The following SLC35F3 variants were observed in gnomAD, a reference collection of about 807,000 sequenced individuals.
SLC35F3 encodes the protein putative thiamine transporter SLC35F3.
Under a neutral mutation model 49.9 loss-of-function variants are expected in SLC35F3, and 25 were observed. That is an observed-to-expected ratio of 0.50 (90% confidence interval 0.37 to 0.70). SLC35F3 has a LOEUF of 0.70. Among genes scored for constraint, SLC35F3 ranks in the 30% least tolerant of loss-of-function variants. The pLI, the probability that SLC35F3 is intolerant of heterozygous loss-of-function variation, is 0.00. For missense variants in SLC35F3, 525 were observed against 639.8 expected (o/e 0.82, Z 1.94); for synonymous variants, 275 against 265.4 (o/e 1.04, Z -0.35).
chr1:234,150,491 A>T (rs1294623157), intron 2 of SLC35F3, among the ~76,000 whole-genome samples: 1 of 152,134 alleles, frequency 6.6e-6, no homozygotes, highest in Non-Finnish European at 1.5e-5. Flanking sequence ...AGTAATCTCC[A>T]TGTAATGCTA....
At chr1:234,306,875 G>T (rs1033492211) in intron 3 of SLC35F3, among the ~76,000 whole-genome samples, 2 of 152,174 alleles carry the variant, frequency 1.3e-5, no homozygotes, top group African/African-American at 4.8e-5. Context: ...AAGATGAATT[G>T]TTTTTCATGA....
rs984357787 is a variant in SLC35F3, at chr1:234,048,611, C to T, written c.283+142853C>T. On this transcript the variant is annotated intron_variant, in intron 2 of 7. Coordinates refer to ENST00000366618, the MANE Select transcript of SLC35F3 (RefSeq NM_173508.4). The stretch of plus-strand genomic sequence containing the variant: ...TTTTCAAAGGCTAGGGCCACTACCA[C>T]AGTTTCACTGGCCAGGCCGCATCAC... Among the ~76,000 whole-genome samples the T allele has an allele frequency of 6.1e-5, 4 of 65,158 alleles. No homozygotes were observed. The East Asian group carries it at 1.4e-3, about 22-fold the overall frequency. The allele number at this position is 65,158 out of a possible 152,430, so 42.7% of individuals were successfully genotyped here.
chr1:234,077,171 AT>A (rs1198885278), intron 2 of SLC35F3, among the ~76,000 whole-genome samples: 10 of 151,028 alleles, frequency 6.6e-5, no homozygotes, highest in Non-Finnish European at 1.5e-4. Context: ...CGCCCGGCTA[AT>A]TTTTTGTATT....
At chr1:234,160,619 G>A (rs1254364654) in intron 2 of SLC35F3, among the ~76,000 whole-genome samples, 1 of 152,160 alleles carries the variant, frequency 6.6e-6, no homozygotes, top group East Asian at 1.9e-4. Flanking sequence ...GGCAACCCAG[G>A]ACATATGGTC....
intron 3 of SLC35F3, among the ~76,000 whole-genome samples, chr1:234,254,973 T>C (rs1453103747): frequency 6.6e-6 from 1 of 152,240 alleles, no homozygotes; most frequent in Non-Finnish European, 1.5e-5. Context: ...ATGACCAAGG[T>C]CTTTGTTATT....
At chr1:234,217,411 A>G (rs1384848323) in intron 2 of SLC35F3, among the ~76,000 whole-genome samples, 1 of 152,252 alleles carries the variant, frequency 6.6e-6, no homozygotes. Flanking sequence ...GTTTTAGTCT[A>G]GAGGGGAAGA....
intron 2 of SLC35F3, among the ~76,000 whole-genome samples, chr1:234,175,533 C>T (rs889108045): frequency 2.0e-5 from 3 of 152,074 alleles, no homozygotes; most frequent in South Asian, 2.1e-4. Flanking sequence ...TGCCACGGCT[C>T]ATGCCTTTAG....
At chr1:234,213,401 A>C (rs1393350403) in intron 2 of SLC35F3, 1 of 152,316 alleles carries the variant, frequency 6.6e-6, no homozygotes, top group East Asian at 1.9e-4. Context: ...GGAGATGAAC[A>C]CAAGGCCCTG....
intron 3 of SLC35F3, among the ~76,000 whole-genome samples, chr1:234,233,902 G>A (rs776724011): frequency 4.6e-5 from 7 of 152,108 alleles, no homozygotes; most frequent in Non-Finnish European, 7.4e-5. Context: ...TGTTAGCCCC[G>A]TGGCTAGGCA....
chr1:233,946,694 A>C (rs1662518321), intron 2 of SLC35F3, among the ~76,000 whole-genome samples: 1 of 152,226 alleles, frequency 6.6e-6, no homozygotes, highest in South Asian at 2.1e-4. Flanking sequence ...CCCTTCATGG[A>C]GGAGAAACGT....
chr1:233,963,436 T>G (rs949653239), intron 2 of SLC35F3, among the ~76,000 whole-genome samples: 1 of 151,974 alleles, frequency 6.6e-6, no homozygotes, highest in Non-Finnish European at 1.5e-5. Flanking sequence ...AAGTAGCTGG[T>G]ACTACAGGAA....
intron 2 of SLC35F3, among the ~76,000 whole-genome samples, chr1:234,103,032 G>GA (rs1457719186): frequency 2.6e-5 from 4 of 152,034 alleles, no homozygotes; most frequent in Admixed American, 6.5e-5. Flanking sequence ...AGTGCTTTGG[G>GA]AAAAAAACCA....
chr1:234,253,953 T>C (rs1322686769), intron 3 of SLC35F3, among the ~76,000 whole-genome samples: 1 of 152,192 alleles, frequency 6.6e-6, no homozygotes, highest in East Asian at 1.9e-4. Context: ...ACCACTTCCC[T>C]ATTATGACCC....
intron 2 of SLC35F3, among the ~76,000 whole-genome samples, chr1:234,143,970 G>A (rs755781015): frequency 3.9e-5 from 6 of 152,144 alleles, no homozygotes; most frequent in Non-Finnish European, 8.8e-5. Flanking sequence ...AGGGATATAG[G>A]AATGGCTTAG....
intron 3 of SLC35F3, 76 bp from the exon 4 acceptor site, chr1:234,309,025 A>AAAAC: frequency 7.7e-7 from 1 of 1,301,316 alleles, no homozygotes; most frequent in Non-Finnish European, 1.1e-6. Context: ...TAAAAAAAAA[A>AAAAC]AAACTTGCTA....
chr1:234,154,066 AAAAAAAC>A (rs1257863796), intron 2 of SLC35F3, among the ~76,000 whole-genome samples: 3 of 151,546 alleles, frequency 2.0e-5, no homozygotes, highest in East Asian at 3.9e-4. Context: ...CGTCTCAAAA[AAAAAAAC>A]AAAAAACAAA....
intron 2 of SLC35F3, among the ~76,000 whole-genome samples, chr1:234,011,799 C>T (rs1268539693): frequency 6.6e-6 from 1 of 152,134 alleles, no homozygotes; most frequent in East Asian, 1.9e-4. Flanking sequence ...GTACACCCAA[C>T]ATTGGAGCAC....
chr1:234,053,110 T>A (rs762566720), intron 2 of SLC35F3, among the ~76,000 whole-genome samples: 12 of 152,214 alleles, frequency 7.9e-5, no homozygotes, highest in Non-Finnish European at 1.6e-4. Flanking sequence ...AGAATGTATA[T>A]TTTGTTGATT....
intron 2 of SLC35F3, among the ~76,000 whole-genome samples, chr1:234,179,609 G>A (rs10910369): frequency 0.08 from 12,209 of 152,112 alleles, 1,369 homozygotes; most frequent in African/African-American, 0.25. Context: ...ATAATATATC[G>A]TTGTTAACTA....
Sources: allele counts gnomAD v4.1 joint callset (sites outside exome capture counted in the v4.1 genomes callset), GRCh38; gene constraint gnomAD v4.1.1; transcripts MANE v1.5; gene names NCBI Gene and HGNC (gene_info 2026-07-23, HGNC 2026-07-21).